Variants in SASH1 observed in about 807,000 individuals in gnomAD.
SASH1 encodes SAM and SH3 domain-containing protein 1.
SASH1 carries 44 observed loss-of-function variants against 125.2 expected under a neutral mutation model. The observed-to-expected ratio is 0.35, with a 90% CI of 0.28 to 0.45. The LOEUF (loss-of-function observed/expected upper bound fraction) is 0.45. Ranked by LOEUF, SASH1 falls within the 20% of genes least tolerant of loss-of-function variation. The probability of loss-of-function intolerance (pLI) is 1.00; values close to 1 mark genes in which losing one functional copy is unlikely to be tolerated. For synonymous variants in SASH1, 639 were observed against 649.1 expected, an observed-to-expected ratio of 0.98 and a Z score of 0.24; for missense variants, 1,426 against 1,614.5, an observed-to-expected ratio of 0.88 and a Z score of 2.00.
chr6:148,458,857 C>T (rs78578357), intron 4 of SASH1, among the ~76,000 whole-genome samples: 2,264 of 151,806 alleles, frequency 0.015, 50 homozygotes, highest in African/African-American at 0.053. Context: ...GTCCCAGCTA[C>T]GTGGAAGGCC....
intron 1 of SASH1, among the ~76,000 whole-genome samples, chr6:148,274,690 G>T (rs563271353): frequency 3.9e-5 from 6 of 152,162 alleles, no homozygotes; most frequent in Non-Finnish European, 7.3e-5. Context: ...CTTCCTTTGT[G>T]GGAGATGATT....
chr6:148,289,869 T>TG (rs1282878865), intron 1 of SASH1, among the ~76,000 whole-genome samples: 1 of 141,894 alleles, frequency 7.0e-6, no homozygotes, highest in Non-Finnish European at 1.5e-5. Context: ...GTGTTTTTTT[T>TG]TTTTTTTTTT....
intron 2 of SASH1, among the ~76,000 whole-genome samples, chr6:148,423,967 GT>G (rs1775689038): frequency 6.6e-6 from 1 of 151,100 alleles, no homozygotes; most frequent in African/African-American, 2.4e-5. Flanking sequence ...CAATCAAGTA[GT>G]GGAATTATAG....
chr6:148,362,822 C>G (rs946717719), intron 1 of SASH1, among the ~76,000 whole-genome samples: 1 of 151,976 alleles, frequency 6.6e-6, no homozygotes, highest in African/African-American at 2.4e-5. Context: ...CACTCCAGCC[C>G]GGGAAACAGA....
chr6:148,513,118 G>A (rs772127462), intron 8 of SASH1: 89 of 985,236 alleles, frequency 9.0e-5, no homozygotes, highest in Non-Finnish European at 1.0e-4. Context: ...TGCAACTCTT[G>A]CTTATCTGTT....
At chr6:148,285,992 G>A (rs1220925934) in intron 1 of SASH1, among the ~76,000 whole-genome samples, 1 of 152,062 alleles carries the variant, frequency 6.6e-6, no homozygotes, top group Non-Finnish European at 1.5e-5. Context: ...GATAGTCAAT[G>A]GATGTTAACT....
intron 1 of SASH1, among the ~76,000 whole-genome samples, chr6:148,371,295 T>TA (rs1320259267): frequency 6.6e-6 from 1 of 151,882 alleles, no homozygotes; most frequent in African/African-American, 2.4e-5. Context: ...TTTTTTTTTT[T>TA]ATCCAGGCTG....
rs1364762197 is a variant in SASH1 at position 148,518,605 on chromosome 6, C to T, written c.863-942C>T. 2.6e-5 allele frequency among the ~76,000 whole-genome samples: 4 copies of T among 152,124 alleles called. 1 individual carries two copies. In the South Asian group the frequency reaches 6.2e-4, roughly 24 times the overall value. Reference sequence around the variant, plus strand: ...GTTCCAAGGAACTTTTCCTTTTTTCCTCTTCACAATTCAGCGGGTGGAAAG... The same window carrying T: ...GTTCCAAGGAACTTTTCCTTTTTTCTTCTTCACAATTCAGCGGGTGGAAAG... On this transcript the variant is annotated intron_variant, in intron 9 of 19. Coordinates refer to ENST00000367467, the MANE Select transcript of SASH1 (RefSeq NM_015278.5).
chr6:148,209,054 G>A, the SASH1 span, among the ~76,000 whole-genome samples: 54 of 152,088 alleles, frequency 3.6e-4, no homozygotes, highest in Admixed American at 5.9e-4. Flanking sequence ...AGTAGCTTTC[G>A]CCCCAAAGCA....
the SASH1 span, among the ~76,000 whole-genome samples, chr6:148,204,145 C>T: frequency 6.6e-6 from 1 of 152,204 alleles, no homozygotes. Context: ...CCCTCTCGGG[C>T]CGCTCGGCAA....
intron 8 of SASH1, among the ~76,000 whole-genome samples, chr6:148,505,034 GTAT>G (rs1261780041): frequency 1.3e-5 from 2 of 152,182 alleles, no homozygotes; most frequent in African/African-American, 4.8e-5. Context: ...AACTTCATGT[GTAT>G]TTCACATGGA....
chr6:148,447,307 A>G (rs1360882140), intron 4 of SASH1, among the ~76,000 whole-genome samples: 1 of 152,228 alleles, frequency 6.6e-6, no homozygotes, highest in African/African-American at 2.4e-5. Context: ...GAGAAGGCCA[A>G]TAGAGCAGTG....
At chr6:148,276,536 G>A (rs752799656) in intron 1 of SASH1, among the ~76,000 whole-genome samples, 20 of 152,142 alleles carry the variant, frequency 1.3e-4, no homozygotes, top group Admixed American at 3.9e-4. Flanking sequence ...GTAAGTGTGC[G>A]AAAGAAAAAG....
chr6:148,469,260 A>G (rs1274524264), intron 5 of SASH1: 1 of 152,196 alleles, frequency 6.6e-6, no homozygotes, highest in African/African-American at 2.4e-5. Context: ...CTCATCTGCT[A>G]GGTGGGAACA....
chr6:148,201,481 C>CA, the SASH1 span, among the ~76,000 whole-genome samples: 295 of 152,248 alleles, frequency 1.9e-3, 1 homozygote, highest in South Asian at 0.021. Context: ...CATCTCCCCC[C>CA]AGAGTTTCTG....
At chr6:148,271,205 C>T (rs753376414), upstream of SASH1, among the ~76,000 whole-genome samples, 1 of 152,128 alleles carries the variant, frequency 6.6e-6, no homozygotes, top group African/African-American at 2.4e-5. Context: ...CCACCGCGCC[C>T]AGCTCATCCA....
At chr6:148,262,314 G>A in the SASH1 span, among the ~76,000 whole-genome samples, 1 of 152,150 alleles carries the variant, frequency 6.6e-6, no homozygotes, top group Non-Finnish European at 1.5e-5. Flanking sequence ...AATTCTAAAT[G>A]TCTCCCTCAT....
intron 1 of SASH1, among the ~76,000 whole-genome samples, chr6:148,299,674 A>AG (rs200974052): frequency 0.012 from 1,847 of 151,346 alleles, 44 homozygotes; most frequent in African/African-American, 0.042. Context: ...CTCAAAAGAA[A>AG]AAAAAAAAAA....
At chr6:148,500,291 C>T (rs983749066) in intron 8 of SASH1, among the ~76,000 whole-genome samples, 1 of 150,874 alleles carries the variant, frequency 6.6e-6, no homozygotes, top group Non-Finnish European at 1.5e-5. Flanking sequence ...TTTGTTGTTG[C>T]TACAACCTGG....
Sources: gnomAD v4.1 joint callset for allele counts (sites outside exome capture counted in the v4.1 genomes callset) on GRCh38, gnomAD v4.1.1 for gene constraint, MANE v1.5 for transcripts, NCBI Gene and HGNC (gene_info 2026-07-23, HGNC 2026-07-21) for gene names.